FSHR: variants seen among roughly 807,000 people sequenced by gnomAD.
The protein encoded by FSHR is follicle-stimulating hormone receptor.
Under a neutral mutation model 52.1 loss-of-function variants are expected in FSHR, and 46 were observed. That is an observed-to-expected ratio of 0.88 (90% CI 0.70 to 1.13). The LOEUF (loss-of-function observed/expected upper bound fraction) is 1.13. Among genes scored for constraint, FSHR ranks in the 50% most tolerant of loss-of-function variants. FSHR has a pLI of 0.00. For synonymous variants in FSHR, 399 were observed against 309.6 expected, an observed-to-expected ratio of 1.29 and a Z score of -3.03; for missense variants, 964 against 834.6, an observed-to-expected ratio of 1.16 and a Z score of -1.91.
chr2:49,075,613 C>T (rs1267262863), intron 1 of FSHR, among the ~76,000 whole-genome samples: 1 of 151,978 alleles, frequency 6.6e-6, no homozygotes, highest in East Asian at 1.9e-4. Context: ...TTAGAGAACT[C>T]TACAATTTTA....
intron 4 of FSHR, among the ~76,000 whole-genome samples, chr2:48,995,988 T>C (rs1291891733): frequency 6.6e-6 from 1 of 152,110 alleles, no homozygotes; most frequent in African/African-American, 2.4e-5. Context: ...ATCATTGAGA[T>C]GCTTTAGGCA....
At chr2:48,989,525 G>T (rs1461494322) in intron 5 of FSHR, among the ~76,000 whole-genome samples, 1 of 152,072 alleles carries the variant, frequency 6.6e-6, no homozygotes, top group Non-Finnish European at 1.5e-5. Flanking sequence ...TAAGTGATCT[G>T]CCTGCCTTGG....
rs1393184586 is a variant in FSHR at position 49,021,876 on chromosome 2, TATATATATATAGAGAGAGAGAGAG to T, written c.225-1740_225-1717del. On this transcript the variant is annotated intron_variant, in intron 2 of 9. Transcript: ENST00000406846. ...CTCTCTCTCTCTCTATATATATATA[TATATATATATAGAGAGAGAGAGAG>T]AGAGAGAGAGAGAGAGAGAGAATGA... 5.7e-3 allele frequency among the ~76,000 whole-genome samples: 371 copies of T among 65,160 alleles called. 4 individuals are homozygous for T. The highest frequency in any genetic ancestry group is 0.016 in the Admixed American group (81 of 5,054). 42.7% of individuals were successfully genotyped at this position (65,160 alleles called of 152,430 possible).
intron 1 of FSHR, among the ~76,000 whole-genome samples, chr2:49,131,647 A>C (rs1672283317): frequency 6.6e-6 from 1 of 152,162 alleles, no homozygotes; most frequent in Admixed American, 6.6e-5. Flanking sequence ...GAATGTAAAG[A>C]TCTGACATGG....
At chr2:49,038,017 A>G (rs912280218) in intron 2 of FSHR, among the ~76,000 whole-genome samples, 3 of 152,214 alleles carry the variant, frequency 2.0e-5, no homozygotes. Flanking sequence ...ACAAATTACT[A>G]AAAATTAGAC....
intron 3 of FSHR, among the ~76,000 whole-genome samples, chr2:49,018,990 G>A (rs1667597880): frequency 6.6e-6 from 1 of 152,206 alleles, no homozygotes; most frequent in Non-Finnish European, 1.5e-5. Context: ...GATTTGGACA[G>A]ATGACCTTAG....
intron 4 of FSHR, among the ~76,000 whole-genome samples, chr2:48,992,244 TAC>T (rs1675817684): frequency 6.6e-6 from 1 of 152,112 alleles, no homozygotes; most frequent in South Asian, 2.1e-4. Context: ...CTAAGACAAA[TAC>T]ATATAGCTAC....
At chr2:49,151,089 A>T (rs958815669) in intron 1 of FSHR, among the ~76,000 whole-genome samples, 4 of 151,450 alleles carry the variant, frequency 2.6e-5, no homozygotes, top group African/African-American at 9.7e-5. Flanking sequence ...TAGTTGCAAG[A>T]AGTGGTATAG....
At chr2:49,133,267 G>A (rs1270847055) in intron 1 of FSHR, among the ~76,000 whole-genome samples, 1 of 152,162 alleles carries the variant, frequency 6.6e-6, no homozygotes, top group Non-Finnish European at 1.5e-5. Context: ...TGCAAGCAAG[G>A]CTCTACCTTG....
chr2:49,121,998 C>T (rs1336300666), intron 1 of FSHR, among the ~76,000 whole-genome samples: 2 of 152,086 alleles, frequency 1.3e-5, no homozygotes, highest in East Asian at 1.9e-4. Flanking sequence ...TCCTGATAAC[C>T]GCTCAGTCAG....
At chr2:49,114,822 C>T (rs1385614029) in intron 1 of FSHR, among the ~76,000 whole-genome samples, 1 of 151,996 alleles carries the variant, frequency 6.6e-6, no homozygotes, top group Non-Finnish European at 1.5e-5. Context: ...TAAAAGCTTA[C>T]TGGGCTCAGA....
chr2:49,068,297 A>G lies in FSHR; in HGVS notation c.153-7T>C. 1.9e-6 allele frequency: 3 copies of G among 1,609,564 alleles called. No individual in the cohort carries two copies. Among genetic ancestry groups the G allele is most frequent in the Non-Finnish European group, 2.5e-6 (3 of 1,176,742 alleles). On this transcript the variant is annotated splice_polypyrimidine_tract_variant and splice_region_variant and intron_variant, in intron 1 of 9. Transcript: ENST00000406846. ...CTTGGTGAGGACAAACCTCCTGCAA[A>G]GAGAGTAGAAATAAAATATCACAAC... is the stretch of plus-strand genomic sequence containing the variant.
At chr2:49,067,701 C>T (rs1669560809) in intron 2 of FSHR, among the ~76,000 whole-genome samples, 1 of 152,056 alleles carries the variant, frequency 6.6e-6, no homozygotes, top group Non-Finnish European at 1.5e-5. Context: ...TTTGCAGTAA[C>T]AAAAGAGGCT....
chr2:49,052,355 A>C (rs1033251398), intron 2 of FSHR, among the ~76,000 whole-genome samples: 1 of 151,842 alleles, frequency 6.6e-6, no homozygotes, highest in Non-Finnish European at 1.5e-5. Flanking sequence ...CAACATGTAG[A>C]TGATACACTT....
chr2:49,063,475 A>G (rs12611574), intron 2 of FSHR, among the ~76,000 whole-genome samples: 52,764 of 151,876 alleles, frequency 0.35, 9,782 homozygotes, highest in East Asian at 0.49. Flanking sequence ...TCACAATGGA[A>G]TACTATTTAG....
chr2:49,095,131 T>G (rs187536249), intron 1 of FSHR, among the ~76,000 whole-genome samples: 2 of 152,238 alleles, frequency 1.3e-5, no homozygotes, highest in Admixed American at 6.5e-5. Flanking sequence ...GAGAAGTTGA[T>G]TCTAAAATTT....
intron 1 of FSHR, among the ~76,000 whole-genome samples, chr2:49,149,322 G>C (rs1483488540): frequency 6.6e-6 from 1 of 151,906 alleles, no homozygotes; most frequent in Non-Finnish European, 1.5e-5. Flanking sequence ...TCCTTCATGA[G>C]AACACAGCAC....
At chr2:49,022,405 G>T (rs996892106) in intron 2 of FSHR, among the ~76,000 whole-genome samples, 2 of 152,104 alleles carry the variant, frequency 1.3e-5, no homozygotes, top group African/African-American at 4.8e-5. Context: ...TTGGCCAGAC[G>T]AGGGTTGGGG....
chr2:49,115,798 G>C, intron 1 of FSHR, among the ~76,000 whole-genome samples: 1 of 152,130 alleles, frequency 6.6e-6, no homozygotes, highest in African/African-American at 2.4e-5. Context: ...AAGTGCTGGA[G>C]CTAAAATGAT....
Sources: allele counts gnomAD v4.1 joint callset (sites outside exome capture counted in the v4.1 genomes callset), GRCh38; gene constraint gnomAD v4.1.1; transcripts MANE v1.5; gene names NCBI Gene and HGNC (gene_info 2026-07-23, HGNC 2026-07-21).